GPC6: variants seen among roughly 807,000 people sequenced by gnomAD.
The protein encoded by GPC6 is glypican-6.
GPC6 carries 14 observed loss-of-function variants against 55.2 expected under a neutral mutation model. The observed-to-expected ratio is 0.25, with a 90% confidence interval of 0.17 to 0.40. The LOEUF (loss-of-function observed/expected upper bound fraction) is 0.40. GPC6 is among the 10% of genes least tolerant of loss of function. GPC6 has a pLI of 1.00. For synonymous variants in GPC6, 278 were observed against 259.6 expected (o/e 1.07, Z -0.68); for missense variants, 641 against 708.5 (o/e 0.90, Z 1.08).
At chr13:94,243,097 A>G (rs549210395) in intron 4 of GPC6, among the ~76,000 whole-genome samples, 7 of 152,242 alleles carry the variant, frequency 4.6e-5, no homozygotes, top group African/African-American at 1.7e-4. Context: ...ACATCTTTGG[A>G]AAGCCCTGAC....
intron 2 of GPC6, among the ~76,000 whole-genome samples, chr13:93,641,934 T>C (rs902916307): frequency 2.0e-5 from 3 of 152,122 alleles, no homozygotes; most frequent in Non-Finnish European, 4.4e-5. Context: ...AGTTATACTT[T>C]ATATGTTGGA....
intron 4 of GPC6, among the ~76,000 whole-genome samples, chr13:94,129,398 A>T (rs1354663164): frequency 1.3e-5 from 2 of 152,082 alleles, no homozygotes; most frequent in African/African-American, 4.8e-5. Context: ...AAAGGGACTT[A>T]TGGAAGACCT....
chr13:93,448,639 T>A (rs890285505), intron 1 of GPC6, among the ~76,000 whole-genome samples: 3 of 152,220 alleles, frequency 2.0e-5, no homozygotes, highest in African/African-American at 7.2e-5. Flanking sequence ...GTAAATATTG[T>A]CAAACAAGAC....
intron 2 of GPC6, among the ~76,000 whole-genome samples, chr13:93,775,211 C>A (rs899223062): frequency 1.4e-4 from 21 of 152,080 alleles, no homozygotes; most frequent in African/African-American, 5.1e-4. Flanking sequence ...TGCTATGTTG[C>A]CCAGGCTGAA....
intron 5 of GPC6, among the ~76,000 whole-genome samples, chr13:94,291,475 T>C (rs1238206433): frequency 6.6e-6 from 1 of 152,124 alleles, no homozygotes; most frequent in Non-Finnish European, 1.5e-5. Context: ...GGTAAAGTGG[T>C]TGGAATTTAG....
At chr13:93,566,958 C>T (rs947059982) in intron 2 of GPC6, among the ~76,000 whole-genome samples, 1 of 152,112 alleles carries the variant, frequency 6.6e-6, no homozygotes, top group African/African-American at 2.4e-5. Context: ...TTTATCCAGT[C>T]TATCATTGAT....
chr13:93,723,639 TG>T (rs145643735), intron 2 of GPC6, among the ~76,000 whole-genome samples: 1,853 of 152,062 alleles, frequency 0.012, 45 homozygotes, highest in African/African-American at 0.042. Context: ...TATCCAGCCA[TG>T]GATAACTGAT....
chr13:94,057,981 AC>A (rs1425355425), intron 4 of GPC6, among the ~76,000 whole-genome samples: 1 of 152,202 alleles, frequency 6.6e-6, no homozygotes, highest in African/African-American at 2.4e-5. Context: ...TCTGGTCATT[AC>A]CCCAAAACCC....
At chr13:94,238,281 T>A (rs1306447845) in intron 4 of GPC6, among the ~76,000 whole-genome samples, 1 of 152,094 alleles carries the variant, frequency 6.6e-6, no homozygotes, top group Non-Finnish European at 1.5e-5. Context: ...GCATAAAGAC[T>A]ATATTTAAGG....
chr13:93,615,159 C>T (rs1163367271), intron 2 of GPC6, among the ~76,000 whole-genome samples: 1 of 151,956 alleles, frequency 6.6e-6, no homozygotes, highest in East Asian at 1.9e-4. Context: ...TAAAAGTTTC[C>T]TGTGGTGGAA....
chr13:93,461,556 T>C (rs1469928625), intron 1 of GPC6, among the ~76,000 whole-genome samples: 1 of 151,968 alleles, frequency 6.6e-6, no homozygotes, highest in Non-Finnish European at 1.5e-5. Context: ...TACCATTGTC[T>C]ACCATTGTCT....
intron 3 of GPC6, among the ~76,000 whole-genome samples, chr13:93,869,764 C>T (rs1353074055): frequency 1.3e-5 from 2 of 151,824 alleles, no homozygotes; most frequent in African/African-American, 4.8e-5. Flanking sequence ...TTTCTACAGA[C>T]CTAGGGCTGC....
intron 2 of GPC6, among the ~76,000 whole-genome samples, chr13:93,676,806 A>G (rs1364390368): frequency 6.6e-6 from 1 of 152,066 alleles, no homozygotes; most frequent in Non-Finnish European, 1.5e-5. Flanking sequence ...AGGGCATTTC[A>G]TGTCAAGATA....
intron 5 of GPC6, among the ~76,000 whole-genome samples, chr13:94,302,440 T>A (rs1457009125): frequency 2.0e-5 from 3 of 152,298 alleles, no homozygotes; most frequent in Admixed American, 1.3e-4. Flanking sequence ...CCTAATTCCA[T>A]CACATCTGTG....
chr13:93,633,846 A>C (rs1933777), intron 2 of GPC6, among the ~76,000 whole-genome samples: 150,530 of 152,180 alleles, frequency 0.99, 74,449 homozygotes, highest in East Asian at 1. Context: ...CTGCTAATTT[A>C]TATAGTATTA....
chr13:94,088,153 G>T (rs1020133148), intron 4 of GPC6, among the ~76,000 whole-genome samples: 1 of 152,082 alleles, frequency 6.6e-6, no homozygotes, highest in Non-Finnish European at 1.5e-5. Context: ...ACCTAAGTCT[G>T]TATTTCCCCT....
intron 2 of GPC6, among the ~76,000 whole-genome samples, chr13:93,794,737 C>T (rs1029310750): frequency 6.6e-6 from 1 of 152,092 alleles, no homozygotes; most frequent in Non-Finnish European, 1.5e-5. Context: ...TAGTAGAAAG[C>T]TCACAATACT....
Position 94,147,308 on chromosome 13 carries a change from A to G in GPC6, c.877+119414A>G, listed in dbSNP as rs1593985987. Among the ~76,000 whole-genome samples, 4 of 152,168 alleles carry G rather than the reference A, an allele frequency of 2.6e-5. No homozygotes were observed. In the South Asian group the frequency reaches 8.3e-4, roughly 32 times the overall value. On this transcript the variant is annotated intron_variant, in intron 4 of 8. Transcript: ENST00000377047. ...TTTTGCTTTTCCTGTCACCTCTGTTAGATGCATATACGGGTACTCCAAACA... is the reference window on the plus strand; with the variant it reads ...TTTTGCTTTTCCTGTCACCTCTGTTGGATGCATATACGGGTACTCCAAACA...
chr13:93,703,640 C>G (rs534778976), intron 2 of GPC6, among the ~76,000 whole-genome samples: 2 of 151,846 alleles, frequency 1.3e-5, no homozygotes, highest in Admixed American at 6.6e-5. Flanking sequence ...GTCCACCCCC[C>G]GCCCCCGTTA....
Sources: gnomAD v4.1 joint callset for allele counts (sites outside exome capture counted in the v4.1 genomes callset) on GRCh38, gnomAD v4.1.1 for gene constraint, MANE v1.5 for transcripts, NCBI Gene and HGNC (gene_info 2026-07-23, HGNC 2026-07-21) for gene names.